Variants in SNTG1 observed in about 807,000 individuals in gnomAD.
The protein encoded by SNTG1 is gamma-1-syntrophin.
A neutral mutation model predicts 74.7 loss-of-function variants in SNTG1; 39 were observed. The ratio of observed to expected loss-of-function variants is 0.52; its 90% CI spans 0.40 to 0.68. The LOEUF is 0.68. Ranked by LOEUF, SNTG1 falls within the 30% of genes least tolerant of loss-of-function variation. SNTG1 has a pLI of 0.00. For synonymous variants in SNTG1, 254 were observed against 217.1 expected, an observed-to-expected ratio of 1.17 and a Z score of -1.49; for missense variants, 685 against 609.5, an observed-to-expected ratio of 1.12 and a Z score of -1.30.
Position 50,164,092 on chromosome 8 carries a change from C to CTTTTTTTTTTTTTTTTT in SNTG1, c.-102-8460_-102-8444dup, listed in dbSNP as rs3086088. The CTTTTTTTTTTTTTTTTT allele has an allele frequency of 1.4e-3, 103 of 71,994 alleles. 1 individual carries two copies. Among genetic ancestry groups the CTTTTTTTTTTTTTTTTT allele is most frequent in the Admixed American group, 2.0e-3 (12 of 5,958 alleles). The allele number at this position is 71,994 out of a possible 1,614,324, so 4.5% of individuals were successfully genotyped here. A position where few individuals can be genotyped will look rare whatever the true frequency, so the allele number is the denominator to read the frequency against. On this transcript the variant is annotated intron_variant, in intron 1 of 18. Coordinates refer to ENST00000642720, the MANE Select transcript of SNTG1 (RefSeq NM_018967.5). ...AGACTTTGATAGAAAGACACAATTT[C>CTTTTTTTTTTTTTTTTT]TTTTTTTTTTTTTTTTTTTTTTTTT...
chr8:50,434,793 C>G (rs2093282989), intron 4 of SNTG1, among the ~76,000 whole-genome samples: 1 of 152,076 alleles, frequency 6.6e-6, no homozygotes, highest in Non-Finnish European at 1.5e-5. Flanking sequence ...CCTCAGTTGT[C>G]AAAAAGAACT....
At chr8:49,965,369 A>C (rs1400268376) in intron 1 of SNTG1, among the ~76,000 whole-genome samples, 1 of 152,204 alleles carries the variant, frequency 6.6e-6, no homozygotes, top group African/African-American at 2.4e-5. Context: ...ATATGTATAC[A>C]GTGACTGAGG....
chr8:50,089,605 C>T (rs1279878982), intron 1 of SNTG1, among the ~76,000 whole-genome samples: 1 of 152,124 alleles, frequency 6.6e-6, no homozygotes, highest in African/African-American at 2.4e-5. Context: ...AAGACATGAA[C>T]AGACACTTCT....
chr8:50,569,250 A>G (rs2094533167), intron 12 of SNTG1, among the ~76,000 whole-genome samples: 1 of 152,172 alleles, frequency 6.6e-6, no homozygotes. Context: ...ATTCTAAAGA[A>G]AAAGCACGGA....
rs139150361 is a variant in SNTG1, at chr8:50,448,491, C to G, written c.220-1177C>G. On this transcript the variant is annotated intron_variant, in intron 5 of 18. Transcript: ENST00000642720. ...TGGTTTACATATTCTGAAGATAGAA[C>G]AACCTCAATGGAATTCAGATTGTCT... Among the ~76,000 whole-genome samples the G allele has an allele frequency of 1.1e-3, 166 of 152,174 alleles. 1 individual carries two copies. The highest frequency in any genetic ancestry group is 1.3e-4 in the Non-Finnish European group (9 of 67,996).
At chr8:49,980,742 T>A (rs188518355) in intron 1 of SNTG1, among the ~76,000 whole-genome samples, 1 of 152,168 alleles carries the variant, frequency 6.6e-6, no homozygotes, top group Admixed American at 6.5e-5. Flanking sequence ...ATAATGTGGC[T>A]CTGGGGTTTT....
intron 17 of SNTG1, among the ~76,000 whole-genome samples, chr8:50,742,947 A>G (rs1011054159): frequency 1.6e-4 from 24 of 151,884 alleles, no homozygotes; most frequent in Non-Finnish European, 3.5e-4. Context: ...ATTCCTGGAA[A>G]TATACACACT....
chr8:50,208,747 G>C (rs957398722), intron 2 of SNTG1, among the ~76,000 whole-genome samples: 1 of 152,142 alleles, frequency 6.6e-6, no homozygotes, highest in Non-Finnish European at 1.5e-5. Flanking sequence ...GCTTTTGTAA[G>C]GCAGGCCTGG....
chr8:50,656,230 T>C (rs2095179908), intron 13 of SNTG1, among the ~76,000 whole-genome samples: 1 of 152,194 alleles, frequency 6.6e-6, no homozygotes, highest in South Asian at 2.1e-4. Context: ...GTGTATATGT[T>C]TGACTCTCAA....
chr8:49,967,196 G>A (rs1219234005), intron 1 of SNTG1, among the ~76,000 whole-genome samples: 1 of 152,146 alleles, frequency 6.6e-6, no homozygotes, highest in Non-Finnish European at 1.5e-5. Context: ...GTACAGTATA[G>A]GTTATTTCTT....
chr8:50,199,867 T>A (rs559855574), intron 2 of SNTG1, among the ~76,000 whole-genome samples: 1 of 152,262 alleles, frequency 6.6e-6, no homozygotes, highest in East Asian at 1.9e-4. Flanking sequence ...ATATTGATTC[T>A]GAAGTGAATG....
chr8:50,517,382 CAAAT>C (rs1466154755), intron 9 of SNTG1, among the ~76,000 whole-genome samples: 1 of 151,884 alleles, frequency 6.6e-6, no homozygotes, highest in Non-Finnish European at 1.5e-5. Context: ...AACAAGCTGT[CAAAT>C]AACAGGCAAA....
intron 9 of SNTG1, among the ~76,000 whole-genome samples, chr8:50,507,062 C>T (rs911322799): frequency 6.6e-6 from 1 of 151,868 alleles, no homozygotes; most frequent in African/African-American, 2.4e-5. Context: ...CTTTTTTCTT[C>T]ATCAACTGAG....
At chr8:50,141,443 T>A (rs2081654176) in intron 1 of SNTG1, among the ~76,000 whole-genome samples, 1 of 152,220 alleles carries the variant, frequency 6.6e-6, no homozygotes, top group Non-Finnish European at 1.5e-5. Flanking sequence ...ATTTTCCTAA[T>A]GATTAATAAA....
At position 50,124,872 on chromosome 8, in the gene SNTG1, G is replaced by T. The variant is rs1485515212; in HGVS notation, c.-102-47689G>T. Among the ~76,000 whole-genome samples the T allele has an allele frequency of 2.8e-5, 4 of 141,618 alleles. 1 individual carries two copies. In the East Asian group the frequency reaches 8.1e-4, roughly 29 times the overall value. The allele number at this position is 141,618 out of a possible 152,430, so 92.9% of individuals were successfully genotyped here. A position where few individuals can be genotyped will look rare whatever the true frequency, so the allele number is the denominator to read the frequency against. ...GGATTAAATACTCCATAGAATTTTTGAAATATTTGTTGTGTTAAAGGGTTT... is the reference window on the plus strand; with the variant it reads ...GGATTAAATACTCCATAGAATTTTTTAAATATTTGTTGTGTTAAAGGGTTT... On this transcript the variant is annotated intron_variant, in intron 1 of 18. Coordinates refer to ENST00000642720, the MANE Select transcript of SNTG1 (RefSeq NM_018967.5).
chr8:50,314,499 C>A lies in SNTG1; in HGVS notation c.-27-79713C>A, dbSNP rs554423522. Among the ~76,000 whole-genome samples the A allele has an allele frequency of 1.7e-4, 26 of 149,718 alleles. 5 individuals carry two copies. The highest frequency in any genetic ancestry group is 6.2e-4 in the African/African-American group (25 of 40,180). The stretch of plus-strand genomic sequence containing the variant: ...AGTGCATAGTGACTGGAGTGCCTGA[C>A]GGAGATGATTTTCAGTGAAAGACTT... On this transcript the variant is annotated intron_variant, in intron 2 of 18. Coordinates refer to ENST00000642720, the MANE Select transcript of SNTG1 (RefSeq NM_018967.5).
intron 2 of SNTG1, among the ~76,000 whole-genome samples, chr8:50,319,460 T>C (rs1392770097): frequency 6.6e-6 from 1 of 152,198 alleles, no homozygotes; most frequent in African/African-American, 2.4e-5. Flanking sequence ...GTTCTAATAG[T>C]TTTTTAGGGA....
intron 2 of SNTG1, among the ~76,000 whole-genome samples, chr8:50,357,637 G>A (rs1051133420): frequency 6.6e-6 from 1 of 152,160 alleles, no homozygotes; most frequent in South Asian, 2.1e-4. Flanking sequence ...CAGGTTTAAT[G>A]TTGTCAGCTT....
intron 2 of SNTG1, among the ~76,000 whole-genome samples, chr8:50,277,656 T>A (rs1418438832): frequency 6.6e-6 from 1 of 152,156 alleles, no homozygotes; most frequent in African/African-American, 2.4e-5. Flanking sequence ...GGTGTAGGTA[T>A]TCTACAAACT....
Sources: allele counts gnomAD v4.1 joint callset (sites outside exome capture counted in the v4.1 genomes callset), GRCh38; gene constraint gnomAD v4.1.1; transcripts MANE v1.5; gene names NCBI Gene and HGNC (gene_info 2026-07-23, HGNC 2026-07-21).